TRPM3: variants seen among roughly 807,000 people sequenced by gnomAD.
The protein encoded by TRPM3 is long transient receptor potential channel 3.
Under a neutral mutation model 181.2 loss-of-function variants are expected in TRPM3, and 77 were observed. That is an observed-to-expected ratio of 0.42 (90% confidence interval 0.35 to 0.51). The LOEUF (loss-of-function observed/expected upper bound fraction) is 0.51, where lower values mean the gene tolerates loss of function less well. Ranked by LOEUF, TRPM3 falls within the 20% of genes least tolerant of loss-of-function variation. TRPM3 has a pLI of 0.01. For synonymous variants in TRPM3, 745 were observed against 796.4 expected (o/e 0.94, Z 1.09); for missense variants, 1,759 against 2,196.7 (o/e 0.80, Z 3.98).
At chr9:70,644,965 C>CAAAGAG (rs2058610946) in intron 9 of TRPM3, among the ~76,000 whole-genome samples, 1 of 152,118 alleles carries the variant, frequency 6.6e-6, no homozygotes, top group Admixed American at 6.5e-5. Flanking sequence ...ACAATTGCTA[C>CAAAGAG]AAAGAGAATA....
chr9:71,283,701 T>C (rs771619230), intron 1 of TRPM3, among the ~76,000 whole-genome samples: 3 of 152,244 alleles, frequency 2.0e-5, no homozygotes, highest in Admixed American at 1.3e-4. Flanking sequence ...TCACAAATAA[T>C]GCTGTTTTGA....
At chr9:70,564,911 G>C (rs938055688) in intron 22 of TRPM3, among the ~76,000 whole-genome samples, 1 of 152,202 alleles carries the variant, frequency 6.6e-6, no homozygotes, top group Non-Finnish European at 1.5e-5. Context: ...AAACACATCT[G>C]TACTTACAGC....
chr9:70,738,661 C>A (rs960056301), intron 8 of TRPM3, among the ~76,000 whole-genome samples: 1 of 151,936 alleles, frequency 6.6e-6, no homozygotes, highest in Admixed American at 6.6e-5. Context: ...GAAATTGAAA[C>A]AAACAAAATA....
chr9:71,394,764 A>G (rs887826002), intron 1 of TRPM3, among the ~76,000 whole-genome samples: 1 of 152,230 alleles, frequency 6.6e-6, no homozygotes, highest in African/African-American at 2.4e-5. Context: ...AGAGAAAAAA[A>G]TCAACCTGTT....
chr9:71,225,412 G>A (rs2080535281), intron 1 of TRPM3, among the ~76,000 whole-genome samples: 1 of 151,646 alleles, frequency 6.6e-6, no homozygotes. Context: ...GAAAAATAAA[G>A]ACTTTTCCAG....
chr9:70,684,161 C>A (rs1261410719), intron 8 of TRPM3, among the ~76,000 whole-genome samples: 1 of 152,148 alleles, frequency 6.6e-6, no homozygotes, highest in African/African-American at 2.4e-5. Flanking sequence ...TAAATTTACC[C>A]TGAAATACAA....
At chr9:70,814,973 A>G (rs1401204188) in intron 6 of TRPM3, among the ~76,000 whole-genome samples, 1 of 151,544 alleles carries the variant, frequency 6.6e-6, no homozygotes, top group Admixed American at 6.6e-5. Context: ...AAACAACATC[A>G]AGCAATTTTT....
intron 8 of TRPM3, 103 bp from the exon 9 acceptor site, chr9:70,681,681 A>T: frequency 2.0e-6 from 2 of 976,788 alleles, no homozygotes; most frequent in Non-Finnish European, 3.3e-6. Context: ...ATATCTACAA[A>T]GTAGATTCTT....
At chr9:70,852,611 T>A (rs2095270502) in intron 3 of TRPM3, among the ~76,000 whole-genome samples, 1 of 152,216 alleles carries the variant, frequency 6.6e-6, no homozygotes, top group Non-Finnish European at 1.5e-5. Flanking sequence ...AGCCTCCTAC[T>A]GACTTCTTTA....
intron 1 of TRPM3, among the ~76,000 whole-genome samples, chr9:70,919,338 C>T (rs973850372): frequency 4.6e-5 from 7 of 152,140 alleles, no homozygotes; most frequent in Non-Finnish European, 8.8e-5. Flanking sequence ...TAGAAATGTG[C>T]CCTGCCTCAG....
chr9:70,975,767 A>C (rs111469905), intron 1 of TRPM3, among the ~76,000 whole-genome samples: 2 of 152,198 alleles, frequency 1.3e-5, no homozygotes. Context: ...TATGGAAGGA[A>C]CATACTCGTT....
chr9:70,834,447 C>T (rs1275754781), intron 5 of TRPM3, among the ~76,000 whole-genome samples: 2 of 152,136 alleles, frequency 1.3e-5, no homozygotes, highest in Non-Finnish European at 2.9e-5. Context: ...CTTTAGAAAT[C>T]ACCATGTATG....
At chr9:70,567,693 C>T (rs1313592266) in intron 22 of TRPM3, among the ~76,000 whole-genome samples, 3 of 148,126 alleles carry the variant, frequency 2.0e-5, no homozygotes, top group Admixed American at 2.0e-4. Context: ...CTGGATCCTA[C>T]ATAGAAAGAA....
intron 1 of TRPM3, among the ~76,000 whole-genome samples, chr9:71,345,874 C>T (rs1025923894): frequency 4.6e-5 from 7 of 152,200 alleles, no homozygotes; most frequent in East Asian, 3.9e-4. Context: ...ACCACACATC[C>T]GCTAGAATGG....
At chr9:71,194,702 T>G (rs1219734499) in intron 1 of TRPM3, among the ~76,000 whole-genome samples, 1 of 151,852 alleles carries the variant, frequency 6.6e-6, no homozygotes, top group African/African-American at 2.4e-5. Context: ...CCTTAAATAA[T>G]ACACATACAT....
At chr9:71,431,474 T>C (rs2093952662) in intron 1 of TRPM3, among the ~76,000 whole-genome samples, 1 of 152,216 alleles carries the variant, frequency 6.6e-6, no homozygotes, top group Admixed American at 6.5e-5. Flanking sequence ...AGTTTCATTA[T>C]CAAGTACTGC....
chr9:70,853,199 A>G (rs1425679563), intron 3 of TRPM3, among the ~76,000 whole-genome samples: 1 of 152,248 alleles, frequency 6.6e-6, no homozygotes, highest in Non-Finnish European at 1.5e-5. Flanking sequence ...GAGGATACAG[A>G]GACCCAGGGA....
In TRPM3 at chr9:70,836,443, T is replaced by A. The variant is rs181893359; in HGVS notation, c.801+6560A>T. 1.4e-3 allele frequency among the ~76,000 whole-genome samples: 210 copies of A among 152,282 alleles called. 1 individual carries two copies. Among genetic ancestry groups the A allele is most frequent in the African/African-American group, 4.9e-3 (203 of 41,564 alleles). ...TCTCCACTTCTTCCTCCTGAACCCA[T>A]TGAAAAGTGCTGCCTTGTCACCATT... On this transcript the variant is annotated intron_variant, in intron 5 of 25. Coordinates refer to ENST00000677713, the MANE Select transcript of TRPM3 (RefSeq NM_001366145.2).
chr9:70,751,009 A>G (rs1228722369), intron 8 of TRPM3, among the ~76,000 whole-genome samples: 1 of 152,166 alleles, frequency 6.6e-6, no homozygotes, highest in Non-Finnish European at 1.5e-5. Flanking sequence ...ATAAGGAAAT[A>G]CCTAAATGAG....
Sources: allele counts gnomAD v4.1 joint callset (sites outside exome capture counted in the v4.1 genomes callset), GRCh38; gene constraint gnomAD v4.1.1; transcripts MANE v1.5; gene names NCBI Gene and HGNC (gene_info 2026-07-23, HGNC 2026-07-21).